Variants in BEND3 observed in about 807,000 individuals in gnomAD.
BEND3 encodes the protein BEN domain-containing protein 3.
Under a neutral mutation model 60.1 loss-of-function variants are expected in BEND3, and 13 were observed. The observed-to-expected ratio is 0.22, with a 90% confidence interval of 0.14 to 0.34. The LOEUF (loss-of-function observed/expected upper bound fraction) is 0.34, where lower values mean the gene tolerates loss of function less well. BEND3 is among the 10% of genes least tolerant of loss of function. BEND3 has a pLI of 1.00. For synonymous variants in BEND3, 497 were observed against 491.5 expected (o/e 1.01, Z -0.15); for missense variants, 896 against 1,138.1 (o/e 0.79, Z 3.06).
intron 3 of BEND3, among the ~76,000 whole-genome samples, chr6:107,083,081 C>A (rs1009066498): frequency 6.6e-6 from 1 of 152,112 alleles, no homozygotes; most frequent in Admixed American, 6.6e-5. Context: ...TGGAAAACAT[C>A]TAAATATCAA....
chr6:107,096,394 G>T (rs782705198), intron 3 of BEND3, among the ~76,000 whole-genome samples: 1 of 152,102 alleles, frequency 6.6e-6, no homozygotes. Context: ...AGTGAATTAC[G>T]TGAGGTCAGG....
intron 3 of BEND3, among the ~76,000 whole-genome samples, chr6:107,074,668 C>T (rs905555122): frequency 6.6e-6 from 1 of 152,040 alleles, no homozygotes; most frequent in South Asian, 2.1e-4. Flanking sequence ...TGTTATCTGG[C>T]ATTATTTCTT....
intron 1 of BEND3, among the ~76,000 whole-genome samples, chr6:107,112,251 T>C (rs920218433): frequency 6.6e-6 from 1 of 152,186 alleles, no homozygotes; most frequent in Non-Finnish European, 1.5e-5. Flanking sequence ...GGATATTACA[T>C]TTTCACCTAA....
intron 3 of BEND3, among the ~76,000 whole-genome samples, chr6:107,093,843 TTAGA>T (rs1775526839): frequency 1.3e-5 from 2 of 152,190 alleles, no homozygotes; most frequent in African/African-American, 4.8e-5. Context: ...CAGTAACTTT[TTAGA>T]TATGATACCA....
intron 3 of BEND3, among the ~76,000 whole-genome samples, chr6:107,097,790 C>CAAA (rs10674719): frequency 0.023 from 1,216 of 52,354 alleles, 28 homozygotes; most frequent in Non-Finnish European, 0.027. Context: ...AACTCCGTCT[C>CAAA]AAAAAAAAAA....
At chr6:107,097,806 A>C (rs1775618775) in intron 3 of BEND3, among the ~76,000 whole-genome samples, 2 of 151,208 alleles carry the variant, frequency 1.3e-5, no homozygotes, top group African/African-American at 4.8e-5. Context: ...AAAAAAAAAA[A>C]AAAAAAAAAC....
At chr6:107,110,380 G>A (rs1554238204) in intron 1 of BEND3, among the ~76,000 whole-genome samples, 1 of 152,204 alleles carries the variant, frequency 6.6e-6, no homozygotes, top group African/African-American at 2.4e-5. Flanking sequence ...TGGGGAACTT[G>A]TGGCAGCTAA....
intron 1 of BEND3, among the ~76,000 whole-genome samples, chr6:107,104,031 C>T (rs1582670280): frequency 6.6e-6 from 1 of 151,638 alleles, no homozygotes; most frequent in East Asian, 1.9e-4. Context: ...GTAGCTCACA[C>T]CTGTAACCCC....
chr6:107,113,599 G>A (rs1163139744), intron 1 of BEND3, among the ~76,000 whole-genome samples: 1 of 152,074 alleles, frequency 6.6e-6, no homozygotes, highest in African/African-American at 2.4e-5. Context: ...ATTCATTTAG[G>A]AAATACGCAC....
chr6:107,088,576 AT>A (rs1451878619), intron 3 of BEND3, among the ~76,000 whole-genome samples: 5 of 152,168 alleles, frequency 3.3e-5, no homozygotes, highest in African/African-American at 1.2e-4. Context: ...AAAATCAAAG[AT>A]TAAAAAAAAT....
At chr6:107,091,361 T>C (rs1554235208) in intron 3 of BEND3, among the ~76,000 whole-genome samples, 18 of 151,694 alleles carry the variant, frequency 1.2e-4, no homozygotes, top group Non-Finnish European at 1.5e-5. Flanking sequence ...TAAAAAAAAA[T>C]CAATGAAACC....
chr6:107,067,395 G>C lies in BEND3; in HGVS notation c.*1309C>G, dbSNP rs538108129. The C allele has an allele frequency of 6.6e-6, 1 of 152,348 alleles. No individual in the cohort carries two copies. The highest frequency in any genetic ancestry group is 2.1e-4 in the South Asian group (1 of 4,828). 9.4% of individuals were successfully genotyped at this position (152,348 alleles called of 1,614,324 possible). A position where few individuals can be genotyped will look rare whatever the true frequency, so the allele number is the denominator to read the frequency against. ...TCATTTTAAAGGACTTTACCTGTCA[G>C]GGGATTTCCCAGTTGGTGCTCCTGG... On this transcript the variant is annotated 3_prime_UTR_variant, in exon 4 of 4. Transcript: ENST00000369042.
Position 107,069,829 on chromosome 6 carries a change from G to A in BEND3, c.1362C>T (p.Tyr454=). 1 of 1,613,566 alleles carries A rather than the reference G, an allele frequency of 6.2e-7. No individual in the cohort carries two copies. Among genetic ancestry groups the A allele is most frequent in the Non-Finnish European group, 8.5e-7 (1 of 1,179,950 alleles). The change falls in exon 4 of 4, where the codon TAC becomes TAT. Residue 454 remains tyrosine, a synonymous_variant. Coordinates refer to ENST00000369042, the MANE Select transcript of BEND3 (RefSeq NM_001367314.1). The part of the protein sequence containing the change: ...DPQRLQIIRN[Y]TEIYFPDMQE... ...GCATGTCAGGGAAGTAGATCTCCGTGTAGTTGCGGATGATCTGCAGCCGCT... is the reference window on the plus strand; with the variant it reads ...GCATGTCAGGGAAGTAGATCTCCGTATAGTTGCGGATGATCTGCAGCCGCT...
At position 107,070,372 on chromosome 6, in the gene BEND3, C is replaced by A. The variant is rs782008319; in HGVS notation, c.819G>T (p.Gln273His). 1.2e-6 allele frequency: 2 copies of A among 1,613,704 alleles called. No homozygotes were observed. Among genetic ancestry groups the A allele is most frequent in the Non-Finnish European group, 1.7e-6 (2 of 1,180,040 alleles). The change falls in exon 4 of 4, where the codon CAG (glutamine) becomes CAT (histidine). Residue 273 changes from glutamine (Q) to histidine (H), a missense_variant. By Grantham distance (24) the Gln-to-His change is conservative (BLOSUM62 0). Transcript: ENST00000369042. The surrounding 1 kb of genome is among the most constrained non-coding windows in gnomAD (Gnocchi z 6.9). ...CGTCGCTGAAGAGCTCGGGGAAGAGCTGCACCAGCAAGCGGCAGGCCAGGT... is the reference window on the plus strand; with the variant it reads ...CGTCGCTGAAGAGCTCGGGGAAGAGATGCACCAGCAAGCGGCAGGCCAGGT... ...GGDLACRLLVQLFPELFSDVD... is the reference protein window; with the variant it reads ...GGDLACRLLVHLFPELFSDVD...
intron 3 of BEND3, among the ~76,000 whole-genome samples, chr6:107,082,047 G>A (rs1336113988): frequency 6.6e-6 from 1 of 152,192 alleles, no homozygotes; most frequent in Non-Finnish European, 1.5e-5. Flanking sequence ...CCACCTTTGT[G>A]TGAATGCCTC....
At chr6:107,094,989 T>C (rs1480353472) in intron 3 of BEND3, among the ~76,000 whole-genome samples, 2 of 151,744 alleles carry the variant, frequency 1.3e-5, no homozygotes, top group Non-Finnish European at 2.9e-5. Context: ...CCTGGATAAT[T>C]TTTTTGTATT....
rs1774939412 is a variant in BEND3, at chr6:107,070,202, G to T, written c.989C>A (p.Pro330His). The T allele has an allele frequency of 6.2e-7, 1 of 1,612,622 alleles. No homozygotes were observed. Among genetic ancestry groups the T allele is most frequent in the East Asian group, 2.2e-5 (1 of 44,886 alleles). Residue 330 changes from proline to histidine, a missense_variant, in exon 4 of 4, where the codon CCC becomes CAC. Transcript: ENST00000369042. This position sits in a 1 kb window ranked among gnomAD's most constrained non-coding sequence, Gnocchi z 6.9. ...GCGGCTGAAGAAGTCGTTCAGCTGG[G>T]GCAGGCACTCGGCCTGCCACACAGC... is the stretch of plus-strand genomic sequence containing the variant. ...DTAVWQAECL[P>H]QLNDFFSRFW...
At chr6:107,092,316 G>T (rs1235943299) in intron 3 of BEND3, among the ~76,000 whole-genome samples, 1 of 152,068 alleles carries the variant, frequency 6.6e-6, no homozygotes, top group Non-Finnish European at 1.5e-5. Context: ...ATGCAAAGGG[G>T]TTCATCATTT....
intron 3 of BEND3, among the ~76,000 whole-genome samples, chr6:107,081,785 A>T (rs1472795734): frequency 2.0e-5 from 3 of 152,140 alleles, no homozygotes; most frequent in African/African-American, 7.2e-5. Context: ...TCTCAAAAAA[A>T]AAAAAAATAA....
Sources: gnomAD v4.1 joint callset for allele counts (sites outside exome capture counted in the v4.1 genomes callset) on GRCh38, gnomAD v4.1.1 for gene constraint, Gnocchi (gnomAD v3.1) non-coding constraint, MANE v1.5 for transcripts, NCBI Gene and HGNC (gene_info 2026-07-23, HGNC 2026-07-21) for gene names.